GPC6: variants seen among roughly 807,000 people sequenced by gnomAD.
The protein encoded by GPC6 is glypican 6.
In GPC6, 14 loss-of-function variants were observed where a neutral mutation model predicts 55.2. That is an observed-to-expected ratio of 0.25 (90% CI 0.17 to 0.40). The LOEUF is 0.40. Ranked by LOEUF, GPC6 falls within the 10% of genes least tolerant of loss-of-function variation. The pLI, the probability that GPC6 is intolerant of heterozygous loss-of-function variation, is 1.00. For missense variants in GPC6, 641 were observed against 708.5 expected (o/e 0.90, Z 1.08); for synonymous variants, 278 against 259.6 (o/e 1.07, Z -0.68).
At chr13:93,867,858 A>G (rs1419137913) in intron 3 of GPC6, among the ~76,000 whole-genome samples, 1 of 151,776 alleles carries the variant, frequency 6.6e-6, no homozygotes, top group Non-Finnish European at 1.5e-5. Flanking sequence ...CTTCAGAATG[A>G]GCTGCAAGAG....
intron 1 of GPC6, among the ~76,000 whole-genome samples, chr13:93,533,625 T>C (rs147789268): frequency 6.6e-6 from 1 of 152,316 alleles, no homozygotes; most frequent in Non-Finnish European, 1.5e-5. Flanking sequence ...CTCTCTGTTT[T>C]GTGAGATCTT....
chr13:93,846,978 A>G (rs574673515), intron 3 of GPC6, among the ~76,000 whole-genome samples: 1 of 152,328 alleles, frequency 6.6e-6, no homozygotes, highest in South Asian at 2.1e-4. Context: ...CTTGTGGATG[A>G]TTATTCATAC....
chr13:93,298,120 A>G (rs989715255), intron 1 of GPC6, among the ~76,000 whole-genome samples: 3 of 152,216 alleles, frequency 2.0e-5, no homozygotes, highest in Non-Finnish European at 4.4e-5. Context: ...GTCACTTCCC[A>G]TAAGGTGGAT....
intron 2 of GPC6, among the ~76,000 whole-genome samples, chr13:93,646,448 A>G (rs547094163): frequency 6.6e-6 from 1 of 152,256 alleles, no homozygotes; most frequent in Admixed American, 6.5e-5. Flanking sequence ...ATCCGTTGCC[A>G]GAAATCTGTT....
intron 1 of GPC6, among the ~76,000 whole-genome samples, chr13:93,443,344 G>A (rs1332650725): frequency 6.6e-6 from 1 of 152,086 alleles, no homozygotes; most frequent in Non-Finnish European, 1.5e-5. Flanking sequence ...ATTTTGAGAA[G>A]CTAATTGGCC....
At chr13:93,676,150 TATATATATATATATATATAC>T (rs1318290066) in intron 2 of GPC6, among the ~76,000 whole-genome samples, 26 of 15,832 alleles carry the variant, frequency 1.6e-3, no homozygotes, top group Admixed American at 2.2e-3. Context: ...TATATATATA[TATATATATATATATATATAC>T]ATACACACAC....
In GPC6 at chr13:94,402,996, T is replaced by C. The variant is rs1438869610; in HGVS notation, c.1466-19T>C. ...ACATATCAGTGGTCTAACTTTCTTT[T>C]TCAATCTTTCCACACTAGGTGATGA... On this transcript the variant is annotated intron_variant, in intron 8 of 8. Coordinates refer to ENST00000377047, the MANE Select transcript of GPC6 (RefSeq NM_005708.5). 1 of 1,577,576 alleles carries C rather than the reference T, an allele frequency of 6.3e-7. No homozygotes were observed.
At chr13:93,982,629 C>G (rs373914178) in intron 3 of GPC6, among the ~76,000 whole-genome samples, 27 of 152,138 alleles carry the variant, frequency 1.8e-4, no homozygotes, top group African/African-American at 6.5e-4. Context: ...CACCAACTTA[C>G]TAAGGATTAG....
At chr13:93,317,894 T>C (rs1370709231) in intron 1 of GPC6, among the ~76,000 whole-genome samples, 1 of 152,196 alleles carries the variant, frequency 6.6e-6, no homozygotes, top group Non-Finnish European at 1.5e-5. Context: ...TTGGAAGAGA[T>C]ATTTTACAAA....
At chr13:94,043,354 T>C (rs969764385) in intron 4 of GPC6, among the ~76,000 whole-genome samples, 1 of 151,998 alleles carries the variant, frequency 6.6e-6, no homozygotes, top group Non-Finnish European at 1.5e-5. Flanking sequence ...TTATTATTTA[T>C]TTATCAAATT....
At chr13:93,535,696 A>AAAC (rs1298570308) in intron 1 of GPC6, among the ~76,000 whole-genome samples, 13 of 151,666 alleles carry the variant, frequency 8.6e-5, no homozygotes, top group African/African-American at 3.2e-4. Context: ...AAAAAAAAAA[A>AAAC]AAAAACCAAG....
At chr13:93,571,655 A>G (rs1255963302) in intron 2 of GPC6, among the ~76,000 whole-genome samples, 1 of 152,196 alleles carries the variant, frequency 6.6e-6, no homozygotes, top group Non-Finnish European at 1.5e-5. Context: ...TAATAAAGAG[A>G]TGCAGACTCT....
At chr13:94,258,645 T>C (rs1047261024) in intron 4 of GPC6, among the ~76,000 whole-genome samples, 26 of 152,212 alleles carry the variant, frequency 1.7e-4, no homozygotes, top group African/African-American at 6.3e-4. Flanking sequence ...CAAACATCTA[T>C]GGCCTGACTG....
At chr13:94,341,085 C>T (rs547278771) in intron 6 of GPC6, among the ~76,000 whole-genome samples, 10 of 152,206 alleles carry the variant, frequency 6.6e-5, no homozygotes, top group Admixed American at 1.3e-4. Flanking sequence ...CATTATTGAA[C>T]GACAAGATAA....
intron 6 of GPC6, among the ~76,000 whole-genome samples, chr13:94,333,396 C>G (rs1877525134): frequency 6.6e-6 from 1 of 152,124 alleles, no homozygotes; most frequent in African/African-American, 2.4e-5. Context: ...GTCATAAAAA[C>G]AGCGGCTTAA....
At chr13:93,786,763 T>C (rs1164843161) in intron 2 of GPC6, among the ~76,000 whole-genome samples, 1 of 67,960 alleles carries the variant, frequency 1.5e-5, no homozygotes, top group Non-Finnish European at 2.9e-5. Flanking sequence ...AACAAAAAAT[T>C]ATATATATAT....
chr13:94,107,500 C>G lies in GPC6; in HGVS notation c.877+79606C>G, dbSNP rs554601119. The stretch of plus-strand genomic sequence containing the variant: ...ATATAGACTTAGTCCAGAATCTATA[C>G]TTCACTCTACTCCTTACTAGATAAA... On this transcript the variant is annotated intron_variant, in intron 4 of 8. Transcript: ENST00000377047. 1.3e-3 allele frequency among the ~76,000 whole-genome samples: 193 copies of G among 151,870 alleles called. 1 individual carries two copies. Among genetic ancestry groups the G allele is most frequent in the Middle Eastern group, 0.01 (3 of 294 alleles).
chr13:93,570,862 CTG>C (rs768612780), intron 2 of GPC6, among the ~76,000 whole-genome samples: 1 of 152,050 alleles, frequency 6.6e-6, no homozygotes, highest in Admixed American at 6.6e-5. Context: ...ATCTCTAATA[CTG>C]AGAGAAACAA....
intron 4 of GPC6, among the ~76,000 whole-genome samples, chr13:94,074,351 A>C (rs752421451): frequency 6.6e-6 from 1 of 152,250 alleles, no homozygotes; most frequent in Non-Finnish European, 1.5e-5. Flanking sequence ...CAGCATAGAC[A>C]AGGTTATGTT....
Sources: allele counts gnomAD v4.1 joint callset (sites outside exome capture counted in the v4.1 genomes callset), GRCh38; gene constraint gnomAD v4.1.1; transcripts MANE v1.5; gene names NCBI Gene and HGNC (gene_info 2026-07-23, HGNC 2026-07-21).